Variants in NLGN1 observed in about 807,000 individuals in gnomAD.
The protein encoded by NLGN1 is neuroligin-1.
NLGN1 carries 12 observed loss-of-function variants against 65.5 expected under a neutral mutation model. That is an observed-to-expected ratio of 0.18 (90% confidence interval 0.12 to 0.30). NLGN1 has a LOEUF of 0.30. NLGN1 is among the 10% of genes least tolerant of loss of function. The pLI is 1.00. For synonymous variants in NLGN1, 350 were observed against 359.5 expected (o/e 0.97, Z 0.30); for missense variants, 750 against 1,007.1 (o/e 0.74, Z 3.46).
chr3:174,163,498 G>C (rs1440285529), intron 4 of NLGN1, among the ~76,000 whole-genome samples: 1 of 151,850 alleles, frequency 6.6e-6, no homozygotes, highest in Non-Finnish European at 1.5e-5. Flanking sequence ...TATATTGTGT[G>C]ATGCTTAGGT....
At chr3:174,179,932 A>G (rs1730084303) in intron 4 of NLGN1, among the ~76,000 whole-genome samples, 1 of 152,112 alleles carries the variant, frequency 6.6e-6, no homozygotes, top group African/African-American at 2.4e-5. Context: ...GATCCTAGTT[A>G]ATCGTTAATG....
intron 3 of NLGN1, among the ~76,000 whole-genome samples, chr3:173,613,118 A>G (rs1300592975): frequency 1.3e-5 from 2 of 152,148 alleles, no homozygotes; most frequent in African/African-American, 2.4e-5. Flanking sequence ...AATTCAACCT[A>G]TAACTGTCAC....
At chr3:174,102,266 G>T (rs1012010776) in intron 4 of NLGN1, among the ~76,000 whole-genome samples, 1 of 151,920 alleles carries the variant, frequency 6.6e-6, no homozygotes, top group African/African-American at 2.4e-5. Flanking sequence ...CACACATGGG[G>T]GGGTATAAGA....
chr3:173,456,824 C>T (rs1480663344), intron 2 of NLGN1, among the ~76,000 whole-genome samples: 2 of 151,976 alleles, frequency 1.3e-5, no homozygotes, highest in African/African-American at 2.4e-5. Flanking sequence ...CTTTGGAGCT[C>T]GGCATATGAT....
chr3:173,834,351 G>A (rs1446983208), intron 4 of NLGN1, among the ~76,000 whole-genome samples: 3 of 151,786 alleles, frequency 2.0e-5, no homozygotes, highest in African/African-American at 2.4e-5. Context: ...TCTTTTTCAC[G>A]TTGTATTTTT....
chr3:173,500,827 T>C (rs1000359257), intron 2 of NLGN1, among the ~76,000 whole-genome samples: 1 of 152,098 alleles, frequency 6.6e-6, no homozygotes, highest in South Asian at 2.1e-4. Context: ...TCCCAAGATA[T>C]CCTGGGCTTA....
At chr3:174,205,137 A>G (rs952044333) in intron 4 of NLGN1, among the ~76,000 whole-genome samples, 5 of 152,172 alleles carry the variant, frequency 3.3e-5, no homozygotes, top group African/African-American at 9.6e-5. Flanking sequence ...TGTTCAACTA[A>G]TATCTTAAAT....
intron 4 of NLGN1, among the ~76,000 whole-genome samples, chr3:173,894,023 C>T (rs959684713): frequency 7.9e-5 from 12 of 152,194 alleles, no homozygotes; most frequent in Admixed American, 2.6e-4. Context: ...CCCTTACTCA[C>T]TATTTCAAAT....
chr3:173,713,796 G>T (rs1315329058), intron 3 of NLGN1, among the ~76,000 whole-genome samples: 1 of 152,090 alleles, frequency 6.6e-6, no homozygotes, highest in East Asian at 1.9e-4. Context: ...AAGCATAGCT[G>T]TTACATGTAT....
chr3:173,712,181 T>A (rs1043214968), intron 3 of NLGN1, among the ~76,000 whole-genome samples: 5 of 148,238 alleles, frequency 3.4e-5, no homozygotes, highest in African/African-American at 1.2e-4. Flanking sequence ...ATTCTGCAGT[T>A]TTTTTGTTTT....
chr3:174,166,247 T>G (rs1727472513), intron 4 of NLGN1, among the ~76,000 whole-genome samples: 1 of 152,028 alleles, frequency 6.6e-6, no homozygotes, highest in Non-Finnish European at 1.5e-5. Context: ...TTAGAGTTAG[T>G]TTTTTCTTGT....
intron 4 of NLGN1, among the ~76,000 whole-genome samples, chr3:173,990,107 C>A (rs775031883): frequency 6.6e-6 from 1 of 152,124 alleles, no homozygotes; most frequent in Non-Finnish European, 1.5e-5. Context: ...GTTAAATAGA[C>A]AATCAACAGA....
intron 3 of NLGN1, among the ~76,000 whole-genome samples, chr3:173,708,554 C>T (rs1768417589): frequency 6.6e-6 from 1 of 152,140 alleles, no homozygotes; most frequent in South Asian, 2.1e-4. Context: ...GGACTGGACT[C>T]AGGACCATTA....
chr3:174,086,870 T>C (rs987868389), intron 4 of NLGN1, among the ~76,000 whole-genome samples: 1 of 152,176 alleles, frequency 6.6e-6, no homozygotes, highest in Non-Finnish European at 1.5e-5. Context: ...TTTCTTGTTA[T>C]AAATCCCCAA....
At chr3:173,950,658 C>A (rs143398636) in intron 4 of NLGN1, among the ~76,000 whole-genome samples, 3,060 of 151,858 alleles carry the variant, frequency 0.02, 97 homozygotes, top group African/African-American at 0.068. Flanking sequence ...ACTAAAAATA[C>A]AAAAATTAGC....
At position 174,201,346 on chromosome 3, in the gene NLGN1, T is replaced by G. The variant is rs141892977; in HGVS notation, c.647-73969T>G. Among the ~76,000 whole-genome samples, 120 of 27,606 alleles carry G rather than the reference T, an allele frequency of 4.3e-3. 1 individual carries two copies. The highest frequency in any genetic ancestry group is 0.035 in the East Asian group (6 of 172). The allele number at this position is 27,606 out of a possible 152,430, so 18.1% of individuals were successfully genotyped here. On this transcript the variant is annotated intron_variant, in intron 4 of 6. Transcript: ENST00000457714. Reference sequence around the variant, plus strand: ...GCGGGAGGAGGGAAGGTGGGAGGAATGAAGGAAGGAAGGAAGGAAGGAAGG... The same window carrying G: ...GCGGGAGGAGGGAAGGTGGGAGGAAGGAAGGAAGGAAGGAAGGAAGGAAGG...
chr3:174,084,642 T>G (rs191159414), intron 4 of NLGN1, among the ~76,000 whole-genome samples: 104 of 152,212 alleles, frequency 6.8e-4, no homozygotes, highest in African/African-American at 2.4e-3. Flanking sequence ...TATCCTGGCC[T>G]AAATAATGAT....
At chr3:173,429,551 A>G (rs73883126) in intron 1 of NLGN1, among the ~76,000 whole-genome samples, 4,370 of 152,022 alleles carry the variant, frequency 0.029, 203 homozygotes, top group African/African-American at 0.1. Context: ...TTTGTTTCTT[A>G]TGGATGTATG....
chr3:173,878,631 T>C (rs1732616213), intron 4 of NLGN1, among the ~76,000 whole-genome samples: 1 of 149,322 alleles, frequency 6.7e-6, no homozygotes. Flanking sequence ...TGAATATAAA[T>C]ATATATACTT....
Sources: allele counts gnomAD v4.1 joint callset (sites outside exome capture counted in the v4.1 genomes callset), GRCh38; gene constraint gnomAD v4.1.1; transcripts MANE v1.5; gene names NCBI Gene and HGNC (gene_info 2026-07-23, HGNC 2026-07-21).